The following GLIS3 variants were observed in gnomAD, a reference collection of about 807,000 sequenced individuals.
The protein encoded by GLIS3 is zinc finger protein GLIS3.
In GLIS3, 53 loss-of-function variants were observed where a neutral mutation model predicts 78.6. The ratio of observed to expected loss-of-function variants is 0.67; its 90% confidence interval spans 0.54 to 0.85. GLIS3 has a LOEUF of 0.85. Among genes scored for constraint, GLIS3 ranks in the 40% least tolerant of loss-of-function variants. The probability of loss-of-function intolerance (pLI) is 0.00; values close to 1 mark genes in which losing one functional copy is unlikely to be tolerated. For missense variants in GLIS3, 1,703 were observed against 1,231.1 expected, an observed-to-expected ratio of 1.38 and a Z score of -5.74; for synonymous variants, 684 against 509.9, an observed-to-expected ratio of 1.34 and a Z score of -4.60.
At chr9:4,354,497 T>G in the GLIS3 span, among the ~76,000 whole-genome samples, 1 of 152,138 alleles carries the variant, frequency 6.6e-6, no homozygotes, top group African/African-American at 2.4e-5. Flanking sequence ...TTCTATAGAC[T>G]ATATTCCCTA....
At chr9:4,311,519 T>C (rs1485405775) in intron 2 of GLIS3, among the ~76,000 whole-genome samples, 4 of 152,146 alleles carry the variant, frequency 2.6e-5, no homozygotes, top group African/African-American at 7.2e-5. Context: ...AGAAATCCAT[T>C]ACACAATAAG....
the GLIS3 span, among the ~76,000 whole-genome samples, chr9:4,402,607 T>C: frequency 6.6e-6 from 1 of 152,116 alleles, no homozygotes; most frequent in African/African-American, 2.4e-5. Flanking sequence ...TTCTATCAGA[T>C]AAATTTAACA....
At chr9:4,142,532 T>C (rs896670553) in intron 2 of GLIS3, among the ~76,000 whole-genome samples, 1 of 152,214 alleles carries the variant, frequency 6.6e-6, no homozygotes, top group African/African-American at 2.4e-5. Context: ...TGGTCTCCTG[T>C]GTTCTAAACA....
At chr9:4,392,819 T>C in the GLIS3 span, among the ~76,000 whole-genome samples, 1 of 152,096 alleles carries the variant, frequency 6.6e-6, no homozygotes, top group Non-Finnish European at 1.5e-5. Context: ...TAATGTTAAG[T>C]AGAAACACAC....
At chr9:4,332,955 C>G (rs1231677649) in intron 2 of GLIS3, among the ~76,000 whole-genome samples, 1 of 152,206 alleles carries the variant, frequency 6.6e-6, no homozygotes, top group Non-Finnish European at 1.5e-5. Context: ...AATCTTGATT[C>G]AATGTTAACG....
intron 2 of GLIS3, among the ~76,000 whole-genome samples, chr9:4,251,877 T>G (rs1008955218): frequency 9.2e-5 from 14 of 152,212 alleles, no homozygotes; most frequent in African/African-American, 3.4e-4. Context: ...TTAGTTTGGC[T>G]GGATATGAAA....
At chr9:4,052,608 C>A (rs1825821077) in intron 4 of GLIS3, among the ~76,000 whole-genome samples, 1 of 152,114 alleles carries the variant, frequency 6.6e-6, no homozygotes, top group Non-Finnish European at 1.5e-5. Context: ...TTGTGCCTAG[C>A]TTTTTTCACT....
chr9:3,890,912 C>T (rs988448319), intron 7 of GLIS3, among the ~76,000 whole-genome samples: 1 of 152,086 alleles, frequency 6.6e-6, no homozygotes, highest in African/African-American at 2.4e-5. Flanking sequence ...TAGAGAGCTA[C>T]AGTAGATTTC....
At position 4,118,533 on chromosome 9, in the gene GLIS3, A is replaced by G; in HGVS notation, c.945T>C (p.Asp315=). ...GCGACGTGCGGATGATGGTATTGAA[A>G]TCTATCCCGATGCCATCGGACAGCG... ...LSPLSDGIGI[D]FNTIIRTSPT... Residue 315 remains aspartate (D), a synonymous_variant, in exon 4 of 11, where the codon GAT becomes GAC. Transcript: ENST00000381971. This position sits in a 1 kb window ranked among gnomAD's most constrained non-coding sequence, Gnocchi z 4.7. 19 of 1,614,202 alleles carry G rather than the reference A, an allele frequency of 1.2e-5. No individual in the cohort carries two copies. Among genetic ancestry groups the G allele is most frequent in the Non-Finnish European group, 1.5e-5 (18 of 1,180,030 alleles).
At chr9:4,278,795 G>C (rs1306779089) in intron 2 of GLIS3, among the ~76,000 whole-genome samples, 2 of 152,220 alleles carry the variant, frequency 1.3e-5, no homozygotes, top group Admixed American at 1.3e-4. Context: ...ACAATGCAGA[G>C]ATCTGGTAAC....
At chr9:4,103,724 G>A (rs538028114) in intron 4 of GLIS3, among the ~76,000 whole-genome samples, 5 of 152,158 alleles carry the variant, frequency 3.3e-5, no homozygotes, top group African/African-American at 7.2e-5. Context: ...CCAATTTTAA[G>A]AGCATAAGAC....
chr9:4,186,965 A>G (rs1041296038), intron 2 of GLIS3, among the ~76,000 whole-genome samples: 1 of 152,116 alleles, frequency 6.6e-6, no homozygotes, highest in Non-Finnish European at 1.5e-5. Flanking sequence ...CTCTGACGGT[A>G]GTTTCTTTTG....
At position 4,274,587 on chromosome 9, in the gene GLIS3, G is replaced by C. The variant is rs529071604; in HGVS notation, c.388+11451C>G. On this transcript the variant is annotated intron_variant, in intron 2 of 10. Coordinates refer to ENST00000381971, the MANE Select transcript of GLIS3 (RefSeq NM_001042413.2). ...AAGAGTCAGCGGTCATCCTGGCAGG[G>C]GATGGGACCACACATTAACTGCTCC... 2.0e-5 allele frequency among the ~76,000 whole-genome samples: 3 copies of C among 152,250 alleles called. No individual in the cohort carries two copies. The East Asian group carries it at 5.8e-4, about 29-fold the overall frequency.
the GLIS3 span, among the ~76,000 whole-genome samples, chr9:4,371,163 G>T: frequency 2.6e-5 from 4 of 152,138 alleles, no homozygotes; most frequent in Non-Finnish European, 5.9e-5. Context: ...GTCAGGCCTG[G>T]TTACTAGGCT....
chr9:4,079,447 C>T (rs1366267223), intron 4 of GLIS3, among the ~76,000 whole-genome samples: 1 of 152,164 alleles, frequency 6.6e-6, no homozygotes, highest in Non-Finnish European at 1.5e-5. Flanking sequence ...GAGCCCACCA[C>T]CTGAAAGCCT....
chr9:3,840,378 G>T (rs1207102949), intron 9 of GLIS3, among the ~76,000 whole-genome samples: 1 of 152,104 alleles, frequency 6.6e-6, no homozygotes. Flanking sequence ...CTCTTCATCT[G>T]AGGTAGGAGT....
the GLIS3 span, among the ~76,000 whole-genome samples, chr9:4,475,893 G>C: frequency 6.6e-6 from 1 of 152,184 alleles, no homozygotes; most frequent in African/African-American, 2.4e-5. Flanking sequence ...TTCTCTGATT[G>C]TGCCAGTTTC....
At chr9:4,108,961 C>A (rs796301458) in intron 4 of GLIS3, among the ~76,000 whole-genome samples, 12 of 152,232 alleles carry the variant, frequency 7.9e-5, no homozygotes, top group African/African-American at 2.9e-4. Flanking sequence ...GCTCAAGTAA[C>A]AAAAGGCAAG....
chr9:4,140,892 G>A (rs964337182), intron 2 of GLIS3, among the ~76,000 whole-genome samples: 7 of 151,514 alleles, frequency 4.6e-5, no homozygotes, highest in Admixed American at 1.3e-4. Flanking sequence ...TCCGCCTCCT[G>A]GGTTCAAGCG....
Sources: allele counts gnomAD v4.1 joint callset (sites outside exome capture counted in the v4.1 genomes callset), GRCh38; gene constraint gnomAD v4.1.1; non-coding constraint Gnocchi (gnomAD v3.1); transcripts MANE v1.5; gene names NCBI Gene and HGNC (gene_info 2026-07-23, HGNC 2026-07-21).